Variants in DSE observed in about 807,000 individuals in gnomAD.
DSE encodes the protein dermatan sulfate epimerase, also known as dermatan-sulfate epimerase.
Under a neutral mutation model 84.4 loss-of-function variants are expected in DSE, and 36 were observed. The ratio of observed to expected loss-of-function variants is 0.43; its 90% CI spans 0.33 to 0.56. DSE has a LOEUF of 0.56. DSE is among the 20% of genes least tolerant of loss of function. DSE has a pLI of 0.06. For missense variants in DSE, 862 were observed against 1,169.6 expected, an observed-to-expected ratio of 0.74 and a Z score of 3.84; for synonymous variants, 410 against 430.1, an observed-to-expected ratio of 0.95 and a Z score of 0.58.
chr6:116,399,050 T>A, intron 1 of DSE, 148 bp from the exon 2 acceptor site: 3 of 648,630 alleles, frequency 4.6e-6, no homozygotes, highest in Non-Finnish European at 7.7e-6. Context: ...AGTAATTTTC[T>A]TCCTAATTAA....
At chr6:116,368,739 G>A (rs1286662937), upstream of DSE, among the ~76,000 whole-genome samples, 1 of 152,162 alleles carries the variant, frequency 6.6e-6, no homozygotes, top group Non-Finnish European at 1.5e-5. Flanking sequence ...TTGGCATCAG[G>A]GTTTGAGAGA....
chr6:116,345,834 G>A (rs1267058986), intron 2 of DSE, among the ~76,000 whole-genome samples: 6 of 152,050 alleles, frequency 3.9e-5, no homozygotes, highest in African/African-American at 1.4e-4. Flanking sequence ...CCAGGAGCAG[G>A]TTTTTCGAAA....
At chr6:116,353,395 T>G (rs1329114608) in intron 2 of DSE, among the ~76,000 whole-genome samples, 2 of 152,336 alleles carry the variant, frequency 1.3e-5, no homozygotes, top group African/African-American at 4.8e-5. Context: ...ATAAATCTGT[T>G]TATGTGATAG....
intron 1 of DSE, among the ~76,000 whole-genome samples, chr6:116,395,208 G>A (rs1170120945): frequency 2.0e-5 from 3 of 150,270 alleles, no homozygotes; most frequent in South Asian, 2.1e-4. Context: ...GGTGGATCAC[G>A]AGGTCAAGAG....
chr6:116,290,268 C>T lies in DSE; in HGVS notation c.-54+31301C>T, dbSNP rs1024711725. On this transcript the variant is annotated intron_variant, in intron 2 of 3. Transcript: ENST00000430252. ...TTCTAATAACTTCGTTTTCTTGGAT[C>T]TGTATCATTAGTGCCTAGCACCTAG... Among the ~76,000 whole-genome samples, 3 of 152,210 alleles carry T rather than the reference C, an allele frequency of 2.0e-5. No homozygotes were observed. The East Asian group carries it at 5.8e-4, about 29-fold the overall frequency.
At chr6:116,322,445 A>G (rs1229191508) in intron 2 of DSE, among the ~76,000 whole-genome samples, 2 of 152,114 alleles carry the variant, frequency 1.3e-5, no homozygotes, top group Admixed American at 6.5e-5. Flanking sequence ...GGATGTTCCC[A>G]AAGGTCTGTA....
rs1784534324 is a variant in DSE, at chr6:116,444,780, G to A, written c.*7435G>A. ...TAAACCAGGAAGTGAGTCCTCACCAGATACCACATCTGTTGTGCTTTGATC... is the reference window on the plus strand; with the variant it reads ...TAAACCAGGAAGTGAGTCCTCACCAAATACCACATCTGTTGTGCTTTGATC... On this transcript the variant is annotated 3_prime_UTR_variant, in exon 6 of 6. Transcript: ENST00000644252. The A allele has an allele frequency of 6.6e-6, 1 of 152,224 alleles. No homozygotes were observed. The highest frequency in any genetic ancestry group is 2.4e-5 in the African/African-American group (1 of 41,444). 9.4% of individuals were successfully genotyped at this position (152,224 alleles called of 1,614,324 possible). A position where few individuals can be genotyped will look rare whatever the true frequency, so the allele number is the denominator to read the frequency against.
At chr6:116,414,824 TTTTTG>T (rs1371835494) in intron 2 of DSE, among the ~76,000 whole-genome samples, 1 of 152,230 alleles carries the variant, frequency 6.6e-6, no homozygotes, top group African/African-American at 2.4e-5. Flanking sequence ...TCATAATAGC[TTTTTG>T]TTTTATTTGG....
At chr6:116,356,939 A>G (rs1778608817) in intron 2 of DSE, among the ~76,000 whole-genome samples, 2 of 152,210 alleles carry the variant, frequency 1.3e-5, no homozygotes, top group Non-Finnish European at 2.9e-5. Context: ...AACCATAGTC[A>G]TGCCCTTAAG....
intron 1 of DSE, among the ~76,000 whole-genome samples, chr6:116,378,864 G>A (rs954025104): frequency 6.6e-6 from 1 of 152,038 alleles, no homozygotes; most frequent in Non-Finnish European, 1.5e-5. Flanking sequence ...CTGGTAGTGA[G>A]AGGGAAAGGA....
rs1284775837 is a variant in DSE, at chr6:116,299,502, TTTTATATATATATA to T, written c.-54+40537_-54+40550del. 4.3e-3 allele frequency among the ~76,000 whole-genome samples: 202 copies of T among 47,454 alleles called. 18 individuals are homozygous for T. The highest frequency in any genetic ancestry group is 0.012 in the Middle Eastern group (1 of 86). The allele number at this position is 47,454 out of a possible 152,430, so 31.1% of individuals were successfully genotyped here. A position where few individuals can be genotyped will look rare whatever the true frequency, so the allele number is the denominator to read the frequency against. ...CATCCTGAAAGGCTTCTTGAATTAT[TTTTATATATATATA>T]TATATATATATATATATATATATAT... On this transcript the variant is annotated intron_variant, in intron 2 of 3. Transcript: ENST00000430252.
Position 116,343,267 on chromosome 6 carries a change from G to GT in DSE, c.-53-55930dup, listed in dbSNP as rs576944744. Among the ~76,000 whole-genome samples the GT allele has an allele frequency of 6.1e-3, 923 of 152,314 alleles. 4 individuals are homozygous for GT. The highest frequency in any genetic ancestry group is 9.9e-3 in the Non-Finnish European group (675 of 68,032). The stretch of plus-strand genomic sequence containing the variant: ...AGCAGAAACTTCTGCAGACTTAAAC[G>GT]TCCCTGTCCAAAAGCTCTGAAGACA... On this transcript the variant is annotated intron_variant, in intron 2 of 3. Transcript: ENST00000430252.
In DSE at chr6:116,359,598, C is replaced by G. The variant is rs142095577; in HGVS notation, c.-53-39600C>G. On this transcript the variant is annotated intron_variant, in intron 2 of 3. Coordinates refer to the DSE transcript ENST00000430252. ...TTGTCTAGGTTTAAATTTCAGAGAA[C>G]GACAGCTGATAGATCAGGGATAAAT... Among the ~76,000 whole-genome samples the G allele has an allele frequency of 6.0e-3, 910 of 152,180 alleles. 11 individuals carry two copies. Among genetic ancestry groups the G allele is most frequent in the African/African-American group, 0.02 (843 of 41,522 alleles).
intron 2 of DSE, among the ~76,000 whole-genome samples, chr6:116,325,762 C>G (rs993558304): frequency 6.6e-6 from 1 of 152,234 alleles, no homozygotes; most frequent in Non-Finnish European, 1.5e-5. Flanking sequence ...TGTAGCAGGA[C>G]GAGCCACAGA....
At chr6:116,415,927 G>A (rs907397957) in intron 2 of DSE, among the ~76,000 whole-genome samples, 10 of 152,232 alleles carry the variant, frequency 6.6e-5, no homozygotes, top group African/African-American at 2.4e-4. Flanking sequence ...ACAGCACAGA[G>A]TGATCTTACA....
At chr6:116,431,321 T>C (rs1276433691) in intron 4 of DSE, 128 bp downstream of exon 4, 1 of 1,313,954 alleles carries the variant, frequency 7.6e-7, no homozygotes, top group Admixed American at 2.8e-5. Flanking sequence ...AATAGATTTT[T>C]TTAATCAAAG....
chr6:116,383,775 T>G (rs1470061614), intron 1 of DSE, among the ~76,000 whole-genome samples: 1 of 152,214 alleles, frequency 6.6e-6, no homozygotes. Flanking sequence ...AGCAGCATGT[T>G]ATTTGTCCTG....
chr6:116,277,885 G>A (rs1490876075), intron 2 of DSE: 1 of 126,806 alleles, frequency 7.9e-6, no homozygotes, highest in African/African-American at 3.2e-5. Context: ...CTGGGCGACA[G>A]AGCAAGACTC....
At chr6:116,290,744 A>G (rs745571417) in intron 2 of DSE, among the ~76,000 whole-genome samples, 18 of 152,122 alleles carry the variant, frequency 1.2e-4, no homozygotes, top group South Asian at 4.1e-4. Context: ...TATATCATCT[A>G]CCCATTTGTG....
Sources: gnomAD v4.1 joint callset for allele counts (sites outside exome capture counted in the v4.1 genomes callset) on GRCh38, gnomAD v4.1.1 for gene constraint, MANE v1.5 for transcripts, NCBI Gene and HGNC (gene_info 2026-07-23, HGNC 2026-07-21) for gene names.